Variants in BLTP1 observed in about 807,000 individuals in gnomAD.
The protein encoded by BLTP1 is fragile site-associated protein.
chr4:122,228,916 T>G, the BLTP1 span, among the ~76,000 whole-genome samples: 1 of 152,222 alleles, frequency 6.6e-6, no homozygotes, highest in Admixed American at 6.5e-5. Flanking sequence ...GCATGCTTAC[T>G]TATTGTTTTC....
the BLTP1 span, among the ~76,000 whole-genome samples, chr4:122,176,345 G>A: frequency 6.6e-6 from 1 of 151,886 alleles, no homozygotes; most frequent in African/African-American, 2.4e-5. Flanking sequence ...AAAAATGAGT[G>A]AAGAGAATTA....
At chr4:122,180,430 C>G in the BLTP1 span, among the ~76,000 whole-genome samples, 1 of 152,138 alleles carries the variant, frequency 6.6e-6, no homozygotes, top group African/African-American at 2.4e-5. Flanking sequence ...ATAAAGGCAG[C>G]TCAGCTCTAT....
the BLTP1 span, chr4:122,341,701 A>G: frequency 1.0e-6 from 1 of 985,056 alleles, no homozygotes; most frequent in South Asian, 4.7e-5. Context: ...CCATTCTTTC[A>G]AAGGATCTTT....
chr4:122,210,778 A>G, the BLTP1 span: 1 of 1,401,072 alleles, frequency 7.1e-7, no homozygotes, highest in East Asian at 2.5e-5. Context: ...AGTTGATGTC[A>G]TATTTGCAAA....
At chr4:122,162,161 T>C in the BLTP1 span, among the ~76,000 whole-genome samples, 1 of 152,202 alleles carries the variant, frequency 6.6e-6, no homozygotes, top group Non-Finnish European at 1.5e-5. Flanking sequence ...TTAAGCCCAA[T>C]AAATATTTAT....
At chr4:122,215,854 C>T in the BLTP1 span, among the ~76,000 whole-genome samples, 3 of 151,536 alleles carry the variant, frequency 2.0e-5, no homozygotes, top group Admixed American at 6.6e-5. Flanking sequence ...TCCTTCCTCT[C>T]GAGTCTCCAA....
chr4:122,160,513 T>G, the BLTP1 span, among the ~76,000 whole-genome samples: 1 of 152,220 alleles, frequency 6.6e-6, no homozygotes, highest in East Asian at 1.9e-4. Context: ...AGGTATTCAA[T>G]TGCAGTAGAC....
the BLTP1 span, chr4:122,179,719 T>G: frequency 2.5e-6 from 1 of 401,714 alleles, no homozygotes; most frequent in African/African-American, 2.2e-5. Context: ...GGCGTGCACA[T>G]ATAGGTACAC....
the BLTP1 span, among the ~76,000 whole-genome samples, chr4:122,351,600 A>G: frequency 4.6e-5 from 7 of 152,170 alleles, no homozygotes; most frequent in African/African-American, 1.7e-4. Context: ...CATTTTTTAT[A>G]TGAACTGACT....
At chr4:122,349,080 C>T in the BLTP1 span, 11 of 1,193,074 alleles carry the variant, frequency 9.2e-6, no homozygotes, top group African/African-American at 1.7e-4. This position sits in a 1 kb window ranked among gnomAD's most constrained non-coding sequence, Gnocchi z 4.5. Flanking sequence ...TCTGATTTAA[C>T]TCCTTTTTAA....
chr4:122,209,923 A>G, the BLTP1 span: 23 of 1,612,126 alleles, frequency 1.4e-5, no homozygotes, highest in Non-Finnish European at 2.0e-5. Context: ...TGAAACAATC[A>G]TGTAAGTGTT....
At chr4:122,229,120 GT>G in the BLTP1 span, 1 of 1,586,340 alleles carries the variant, frequency 6.3e-7, no homozygotes, top group Non-Finnish European at 8.6e-7. Flanking sequence ...TTTTATTTTA[GT>G]TGAGTTGTAT....
chr4:122,231,563 T>G, the BLTP1 span: 1 of 752,694 alleles, frequency 1.3e-6, no homozygotes, highest in Non-Finnish European at 1.6e-6. Context: ...TTAATTTTGT[T>G]TTTATTTTCA....
the BLTP1 span, chr4:122,286,928 A>T: frequency 1.4e-6 from 1 of 698,180 alleles, no homozygotes; most frequent in South Asian, 2.0e-5. Context: ...TACCAAATCA[A>T]GTGTGTGTGT....
the BLTP1 span, among the ~76,000 whole-genome samples, chr4:122,218,137 A>AT: frequency 5.1e-4 from 77 of 149,852 alleles, no homozygotes; most frequent in Non-Finnish European, 7.1e-4. Flanking sequence ...ATGGTCCATC[A>AT]TTTTTTTTTG....
chr4:122,269,163 T>C, the BLTP1 span: 4 of 640,224 alleles, frequency 6.2e-6, no homozygotes, highest in African/African-American at 5.9e-5. Context: ...TATATCCATT[T>C]ATATATAAAT....
chr4:122,225,392 C>G, the BLTP1 span: 1 of 152,098 alleles, frequency 6.6e-6, no homozygotes, highest in Non-Finnish European at 1.5e-5. Context: ...TAACATTTCA[C>G]CTGAGTCATA....
the BLTP1 span, among the ~76,000 whole-genome samples, chr4:122,185,744 A>C: frequency 6.6e-6 from 1 of 152,066 alleles, no homozygotes. Context: ...TTTACTCTTT[A>C]AGTGGTACTT....
At chr4:122,200,847 C>A in the BLTP1 span, 1 of 797,972 alleles carries the variant, frequency 1.3e-6, no homozygotes, top group Non-Finnish European at 1.5e-6. Context: ...TGGATATTGA[C>A]CTTCAGCCAC....
Sources: allele counts gnomAD v4.1 joint callset (sites outside exome capture counted in the v4.1 genomes callset), GRCh38; gene constraint gnomAD v4.1.1; non-coding constraint Gnocchi (gnomAD v3.1); transcripts MANE v1.5; gene names NCBI Gene and HGNC (gene_info 2026-07-23, HGNC 2026-07-21).